The following ADRA1B variants were observed in gnomAD, a reference collection of about 807,000 sequenced individuals.
The protein encoded by ADRA1B is adrenoceptor alpha 1B.
In ADRA1B, 17 loss-of-function variants were observed where a neutral mutation model predicts 17.9. The ratio of observed to expected loss-of-function variants is 0.95; its 90% CI spans 0.65 to 1.42. The LOEUF is 1.42. ADRA1B is among the 40% of genes most tolerant of loss of function. ADRA1B has a pLI of 0.00. For missense variants in ADRA1B, 681 were observed against 722.1 expected (o/e 0.94, Z 0.65); for synonymous variants, 366 against 327.6 (o/e 1.12, Z -1.27).
intron 1 of ADRA1B, among the ~76,000 whole-genome samples, chr5:159,872,331 T>C (rs1014977393): frequency 6.6e-6 from 1 of 152,110 alleles, no homozygotes; most frequent in African/African-American, 2.4e-5. Context: ...AGCTGCTTCT[T>C]CTTGTCCCCA....
intron 1 of ADRA1B, among the ~76,000 whole-genome samples, chr5:159,879,888 C>T (rs1753838911): frequency 6.6e-6 from 1 of 152,076 alleles, no homozygotes; most frequent in Non-Finnish European, 1.5e-5. Flanking sequence ...CCCACCTACT[C>T]ATGAGGCTGA....
upstream of ADRA1B, among the ~76,000 whole-genome samples, chr5:159,914,128 G>A (rs73817245): frequency 6.0e-3 from 914 of 152,272 alleles, 12 homozygotes; most frequent in African/African-American, 0.021. Context: ...TATCCAGCAA[G>A]AGAAGCTGAC....
rs1265592542 is a variant in ADRA1B at position 159,917,841 on chromosome 5, C to T, written c.936C>T (p.Ile312=). The change falls in exon 1 of 2, where the codon ATC becomes ATT. Residue 312 remains isoleucine, a synonymous_variant. Coordinates refer to ENST00000306675, the MANE Select transcript of ADRA1B (RefSeq NM_000679.4). ...MFILCWLPFF[I]ALPLGSLFST... The stretch of plus-strand genomic sequence containing the variant: ...TCTTGTGCTGGCTACCCTTCTTCAT[C>T]GCTCTACCGCTTGGTAAGTTGGGGA... The T allele has an allele frequency of 3.1e-6, 5 of 1,602,430 alleles. No individual in the cohort carries two copies. Among genetic ancestry groups the T allele is most frequent in the African/African-American group, 1.3e-5 (1 of 74,456 alleles).
At chr5:159,960,366 T>C (rs1289719692) in intron 1 of ADRA1B, among the ~76,000 whole-genome samples, 1 of 152,218 alleles carries the variant, frequency 6.6e-6, no homozygotes, top group Non-Finnish European at 1.5e-5. Context: ...TTGAACTTTA[T>C]CCTACAAACT....
At chr5:159,921,967 A>AG (rs374035181) in intron 1 of ADRA1B, among the ~76,000 whole-genome samples, 64 of 152,352 alleles carry the variant, frequency 4.2e-4, no homozygotes, top group Middle Eastern at 3.4e-3. Flanking sequence ...GTACTTGGCA[A>AG]GGGGGAAGTT....
chr5:159,962,190 C>A (rs1581068388), intron 1 of ADRA1B, among the ~76,000 whole-genome samples: 1 of 152,018 alleles, frequency 6.6e-6, no homozygotes, highest in African/African-American at 2.4e-5. Context: ...AGAGTGAGAC[C>A]CTGTCTCAAA....
At chr5:159,873,312 G>A (rs1267749073) in intron 1 of ADRA1B, among the ~76,000 whole-genome samples, 1 of 152,108 alleles carries the variant, frequency 6.6e-6, no homozygotes, top group Admixed American at 6.5e-5. Context: ...TTTTTGAAGG[G>A]CACAGAGTTG....
At chr5:159,923,916 C>T (rs959804369) in intron 1 of ADRA1B, among the ~76,000 whole-genome samples, 116 of 152,374 alleles carry the variant, frequency 7.6e-4, no homozygotes, top group African/African-American at 2.6e-3. Context: ...GAGCAAGCAT[C>T]GTCATCCCTG....
intron 1 of ADRA1B, among the ~76,000 whole-genome samples, chr5:159,935,566 A>T (rs1483107942): frequency 1.3e-5 from 2 of 150,092 alleles, no homozygotes; most frequent in African/African-American, 2.5e-5. Context: ...TTTTCTTTTG[A>T]GATAGGGTCT....
At chr5:159,962,069 T>G (rs530409825) in intron 1 of ADRA1B, among the ~76,000 whole-genome samples, 1 of 152,128 alleles carries the variant, frequency 6.6e-6, no homozygotes, top group East Asian at 1.9e-4. Flanking sequence ...CGTGATGACA[T>G]GCACTATAGT....
At chr5:159,949,240 C>CTA (rs1393710065) in intron 1 of ADRA1B, among the ~76,000 whole-genome samples, 7 of 152,186 alleles carry the variant, frequency 4.6e-5, no homozygotes, top group African/African-American at 1.7e-4. Flanking sequence ...ACATGGGGTA[C>CTA]TACTCAATTT....
At chr5:159,880,734 C>G (rs988281626) in intron 1 of ADRA1B, among the ~76,000 whole-genome samples, 7 of 152,198 alleles carry the variant, frequency 4.6e-5, no homozygotes, top group African/African-American at 1.7e-4. Context: ...CTGGGGCTAA[C>G]ACAGCAGGTC....
intron 1 of ADRA1B, among the ~76,000 whole-genome samples, chr5:159,924,521 C>CGG (rs1754588091): frequency 6.6e-6 from 1 of 152,092 alleles, no homozygotes; most frequent in Non-Finnish European, 1.5e-5. Flanking sequence ...GAGTTAGCCT[C>CGG]AGCTTTGATG....
intron 1 of ADRA1B, among the ~76,000 whole-genome samples, chr5:159,918,650 T>G (rs558304947): frequency 1.2e-4 from 19 of 152,348 alleles, no homozygotes; most frequent in African/African-American, 4.6e-4. Context: ...CAGTGCGTCC[T>G]CCCCCTCTTA....
chr5:159,941,690 T>C (rs1320191102), intron 1 of ADRA1B, among the ~76,000 whole-genome samples: 4 of 152,276 alleles, frequency 2.6e-5, no homozygotes, highest in African/African-American at 9.6e-5. Flanking sequence ...GAATGTTATT[T>C]GGCCAAAGAA....
intron 1 of ADRA1B, chr5:159,865,345 C>T (rs1186870567): frequency 6.6e-6 from 1 of 151,518 alleles, no homozygotes; most frequent in East Asian, 1.9e-4. Flanking sequence ...GTCAGAAAGT[C>T]ATAAATCATT....
intron 1 of ADRA1B, chr5:159,948,547 A>G: frequency 1.1e-6 from 1 of 904,902 alleles, no homozygotes; most frequent in South Asian, 5.1e-5. Flanking sequence ...AGAATCAGAA[A>G]AACAAAAAAA....
intron 1 of ADRA1B, among the ~76,000 whole-genome samples, chr5:159,942,079 C>T (rs1165431031): frequency 3.9e-5 from 6 of 152,120 alleles, no homozygotes; most frequent in African/African-American, 1.2e-4. Flanking sequence ...CCCGCCACCA[C>T]GCCCAGCTAA....
At chr5:159,931,309 C>T (rs950026402) in intron 1 of ADRA1B, among the ~76,000 whole-genome samples, 3 of 150,622 alleles carry the variant, frequency 2.0e-5, no homozygotes, top group Admixed American at 2.0e-4. Context: ...GGGGAGGATC[C>T]CTTGAGCCCA....
Sources: allele counts gnomAD v4.1 joint callset (sites outside exome capture counted in the v4.1 genomes callset), GRCh38; gene constraint gnomAD v4.1.1; transcripts MANE v1.5; gene names NCBI Gene and HGNC (gene_info 2026-07-23, HGNC 2026-07-21).